TBC1D5: variants seen among roughly 807,000 people sequenced by gnomAD.
TBC1D5 encodes TBC1 domain family member 5, also known as TBC1 domain family, member 5.
A neutral mutation model predicts 100.3 loss-of-function variants in TBC1D5; 75 were observed. The observed-to-expected ratio is 0.75, with a 90% CI of 0.62 to 0.91. The LOEUF (loss-of-function observed/expected upper bound fraction) is 0.91. Ranked by LOEUF, TBC1D5 falls within the 40% of genes least tolerant of loss-of-function variation. The probability of loss-of-function intolerance (pLI) is 0.00; values close to 1 mark genes in which losing one functional copy is unlikely to be tolerated. For synonymous variants in TBC1D5, 323 were observed against 325.6 expected, an observed-to-expected ratio of 0.99 and a Z score of 0.09; for missense variants, 910 against 942.4, an observed-to-expected ratio of 0.97 and a Z score of 0.45.
chr3:17,445,355 T>TA (rs202174925), intron 3 of TBC1D5, among the ~76,000 whole-genome samples: 1,560 of 144,190 alleles, frequency 0.011, 17 homozygotes, highest in Non-Finnish European at 0.018. Context: ...TGAAGAACCA[T>TA]AAAAAAAAAA....
At chr3:17,257,988 C>T (rs1207100271) in intron 16 of TBC1D5, among the ~76,000 whole-genome samples, 2 of 152,078 alleles carry the variant, frequency 1.3e-5, no homozygotes, top group Non-Finnish European at 2.9e-5. Context: ...ACCCTTTCTG[C>T]CAATGTTAAC....
chr3:17,576,250 T>C (rs948173673), intron 2 of TBC1D5, among the ~76,000 whole-genome samples: 2 of 151,692 alleles, frequency 1.3e-5, no homozygotes, highest in African/African-American at 2.4e-5. Context: ...ATGATGGGGG[T>C]TGAGAGGTGA....
At chr3:17,271,544 C>A (rs560538133) in intron 15 of TBC1D5, among the ~76,000 whole-genome samples, 1 of 152,212 alleles carries the variant, frequency 6.6e-6, no homozygotes, top group South Asian at 2.1e-4. Flanking sequence ...ATCATATTGC[C>A]AGAGAAGAGA....
chr3:17,372,846 C>T (rs1167042172), intron 12 of TBC1D5, among the ~76,000 whole-genome samples: 3 of 152,076 alleles, frequency 2.0e-5, no homozygotes, highest in African/African-American at 7.2e-5. Context: ...CTTCTACAAC[C>T]CTTTTAGAAT....
At chr3:17,409,733 G>C (rs554822712) in intron 4 of TBC1D5, among the ~76,000 whole-genome samples, 1 of 152,232 alleles carries the variant, frequency 6.6e-6, no homozygotes, top group East Asian at 1.9e-4. Flanking sequence ...ATTCCCTTAA[G>C]CCAAAACCTA....
At chr3:17,581,717 C>T (rs2096698643) in intron 2 of TBC1D5, among the ~76,000 whole-genome samples, 1 of 152,198 alleles carries the variant, frequency 6.6e-6, no homozygotes, top group South Asian at 2.1e-4. Flanking sequence ...AATCTATTCT[C>T]AAGCTGGCAG....
chr3:17,382,917 G>GTTATAGCT (rs1349891229), intron 9 of TBC1D5, among the ~76,000 whole-genome samples: 1 of 151,740 alleles, frequency 6.6e-6, no homozygotes, highest in Non-Finnish European at 1.5e-5. Context: ...TTCTAGACAT[G>GTTATAGCT]TTATAGCTTT....
At chr3:17,212,041 T>C (rs561068405) in intron 18 of TBC1D5, among the ~76,000 whole-genome samples, 1 of 152,374 alleles carries the variant, frequency 6.6e-6, no homozygotes, top group South Asian at 2.1e-4. Context: ...GAACATGATA[T>C]TCTATGTACC....
chr3:17,395,155 G>C (rs1303748220), intron 8 of TBC1D5, among the ~76,000 whole-genome samples: 1 of 151,998 alleles, frequency 6.6e-6, no homozygotes, highest in African/African-American at 2.4e-5. Flanking sequence ...TGCAGTTCAG[G>C]AGATGGGATC....
At chr3:17,439,403 T>A (rs1575950661) in intron 3 of TBC1D5, among the ~76,000 whole-genome samples, 1 of 152,162 alleles carries the variant, frequency 6.6e-6, no homozygotes, top group Non-Finnish European at 1.5e-5. Flanking sequence ...TAAATGGCAT[T>A]TTTACTAAGA....
At chr3:17,346,041 C>T (rs1305886330) in intron 13 of TBC1D5, among the ~76,000 whole-genome samples, 1 of 152,018 alleles carries the variant, frequency 6.6e-6, no homozygotes, top group African/African-American at 2.4e-5. Flanking sequence ...GCACATTGTG[C>T]ACATGTACCC....
At chr3:17,413,935 C>G (rs985279773) in intron 4 of TBC1D5, among the ~76,000 whole-genome samples, 2 of 152,182 alleles carry the variant, frequency 1.3e-5, no homozygotes, top group African/African-American at 4.8e-5. Context: ...TAGGCTTCTA[C>G]TGACAATGAA....
chr3:17,726,775 T>G (rs2076161277), intron 1 of TBC1D5, among the ~76,000 whole-genome samples: 1 of 152,248 alleles, frequency 6.6e-6, no homozygotes, highest in Admixed American at 6.5e-5. Context: ...AGAAAATTAC[T>G]TTGTCTATGT....
intron 13 of TBC1D5, among the ~76,000 whole-genome samples, chr3:17,342,296 C>T (rs1039244140): frequency 6.6e-6 from 1 of 152,180 alleles, no homozygotes; most frequent in African/African-American, 2.4e-5. Context: ...TTTTTCAAAA[C>T]CTTGCTCAAT....
intron 3 of TBC1D5, among the ~76,000 whole-genome samples, chr3:17,473,485 G>A (rs1018509944): frequency 1.3e-5 from 2 of 152,124 alleles, no homozygotes; most frequent in Admixed American, 6.5e-5. Flanking sequence ...TATTTTAACT[G>A]TATTTCTAAA....
chr3:17,603,801 C>T (rs1193712886), intron 2 of TBC1D5, among the ~76,000 whole-genome samples: 9 of 152,046 alleles, frequency 5.9e-5, no homozygotes, highest in Non-Finnish European at 1.0e-4. Context: ...GCACGCACCA[C>T]GCCTAGCTAA....
In TBC1D5 at chr3:17,343,200, C is replaced by T. The variant is rs969476421; in HGVS notation, c.995+28875G>A. Among the ~76,000 whole-genome samples, 18 of 152,176 alleles carry T rather than the reference C, an allele frequency of 1.2e-4. No individual in the cohort carries two copies. In the South Asian group the frequency reaches 1.5e-3, roughly 12 times the overall value. On this transcript the variant is annotated intron_variant, in intron 13 of 21. Coordinates refer to ENST00000253692, the Ensembl canonical transcript of TBC1D5. ...AAGCGTTGTTGAATTTTGTCAAAGGCCTTTTCTGCATCTATTGAGATAATC... is the reference window on the plus strand; with the variant it reads ...AAGCGTTGTTGAATTTTGTCAAAGGTCTTTTCTGCATCTATTGAGATAATC...
At chr3:17,563,975 G>A (rs1032287383) in intron 2 of TBC1D5, among the ~76,000 whole-genome samples, 4 of 152,078 alleles carry the variant, frequency 2.6e-5, no homozygotes, top group South Asian at 2.1e-4. Flanking sequence ...GTAGAGACGG[G>A]GTTTCACCGT....
At chr3:17,183,277 C>A (rs971188239) in intron 19 of TBC1D5, among the ~76,000 whole-genome samples, 1 of 152,112 alleles carries the variant, frequency 6.6e-6, no homozygotes, top group African/African-American at 2.4e-5. Flanking sequence ...CCTTTAAAAG[C>A]CTTTGTTTTC....
Sources: gnomAD v4.1 joint callset for allele counts (sites outside exome capture counted in the v4.1 genomes callset) on GRCh38, gnomAD v4.1.1 for gene constraint, MANE v1.5 for transcripts, NCBI Gene and HGNC (gene_info 2026-07-23, HGNC 2026-07-21) for gene names.